MACROD2: variants seen among roughly 807,000 people sequenced by gnomAD.
The protein encoded by MACROD2 is ADP-ribose glycohydrolase MACROD2.
A neutral mutation model predicts 70.4 loss-of-function variants in MACROD2; 36 were observed. That is an observed-to-expected ratio of 0.51 (90% CI 0.39 to 0.68). The LOEUF (loss-of-function observed/expected upper bound fraction) is 0.68. MACROD2 is among the 30% of genes least tolerant of loss of function. The probability of loss-of-function intolerance (pLI) is 0.00; values close to 1 mark genes in which losing one functional copy is unlikely to be tolerated. For missense variants in MACROD2, 496 were observed against 538.4 expected (o/e 0.92, Z 0.78); for synonymous variants, 172 against 178.8 (o/e 0.96, Z 0.30).
At chr20:14,801,265 C>T (rs969698596) in intron 5 of MACROD2, among the ~76,000 whole-genome samples, 1 of 152,102 alleles carries the variant, frequency 6.6e-6, no homozygotes, top group Admixed American at 6.5e-5. Context: ...GCAGTGACAG[C>T]GTGCTTCTCT....
chr20:14,667,878 G>T (rs769239657), intron 4 of MACROD2, among the ~76,000 whole-genome samples: 9 of 152,092 alleles, frequency 5.9e-5, no homozygotes, highest in Non-Finnish European at 1.3e-4. Flanking sequence ...CTCAGAGCTG[G>T]GGGGTGGTGG....
chr20:15,899,969 C>T (rs563061286), intron 10 of MACROD2, among the ~76,000 whole-genome samples: 14 of 151,912 alleles, frequency 9.2e-5, no homozygotes, highest in Non-Finnish European at 1.9e-4. Flanking sequence ...ATTTATGGAA[C>T]GTAGCTTGTA....
intron 4 of MACROD2, among the ~76,000 whole-genome samples, chr20:14,532,096 T>C (rs2423802): frequency 0.49 from 73,897 of 151,892 alleles, 18,303 homozygotes; most frequent in African/African-American, 0.55. Context: ...TACTTCATAC[T>C]TCCCAAAGGC....
intron 5 of MACROD2, among the ~76,000 whole-genome samples, chr20:14,816,607 TATACTC>T (rs1411532893): frequency 2.6e-5 from 4 of 152,122 alleles, no homozygotes; most frequent in African/African-American, 7.2e-5. Context: ...ATGTGTGTGT[TATACTC>T]ATACATATAA....
chr20:15,487,363 C>G (rs2047175558), intron 7 of MACROD2, among the ~76,000 whole-genome samples: 1 of 152,198 alleles, frequency 6.6e-6, no homozygotes. Context: ...GAATGCCTCA[C>G]TTGATATCTT....
intron 5 of MACROD2, among the ~76,000 whole-genome samples, chr20:15,089,750 G>A (rs1175547632): frequency 1.3e-5 from 2 of 152,002 alleles, no homozygotes; most frequent in Non-Finnish European, 2.9e-5. Flanking sequence ...TTACTGCACA[G>A]TTTGCTGGTT....
At chr20:15,658,965 C>T (rs1043172784) in intron 8 of MACROD2, among the ~76,000 whole-genome samples, 1 of 152,172 alleles carries the variant, frequency 6.6e-6, no homozygotes, top group Non-Finnish European at 1.5e-5. Context: ...TGCTTCGTTT[C>T]TTAAGACATA....
chr20:14,800,310 C>G (rs1271846220), intron 5 of MACROD2, among the ~76,000 whole-genome samples: 1 of 152,034 alleles, frequency 6.6e-6, no homozygotes, highest in Non-Finnish European at 1.5e-5. Context: ...TGGTGCCCCT[C>G]AAATTCCAAT....
intron 5 of MACROD2, among the ~76,000 whole-genome samples, chr20:14,867,869 T>C (rs925414619): frequency 3.3e-5 from 5 of 152,080 alleles, no homozygotes; most frequent in Admixed American, 3.3e-4. Context: ...GTTTCATCTT[T>C]AATGACCGAT....
At chr20:15,903,772 ATCT>A (rs2065101303) in intron 10 of MACROD2, among the ~76,000 whole-genome samples, 1 of 152,212 alleles carries the variant, frequency 6.6e-6, no homozygotes, top group Non-Finnish European at 1.5e-5. Context: ...TTTAAAAGAA[ATCT>A]TCTGGTTATT....
chr20:14,787,300 G>C (rs553407278), intron 5 of MACROD2, among the ~76,000 whole-genome samples: 1 of 150,278 alleles, frequency 6.7e-6, no homozygotes, highest in African/African-American at 2.5e-5. Context: ...ATATTGTAAC[G>C]TGTGAAAAAA....
chr20:15,350,469 A>G (rs1426623202), intron 6 of MACROD2, among the ~76,000 whole-genome samples: 2 of 152,222 alleles, frequency 1.3e-5, no homozygotes, highest in Non-Finnish European at 2.9e-5. Context: ...GGAAGGGGAA[A>G]GCCAAATTGA....
rs561387668 is a variant in MACROD2, at chr20:14,355,472, T to C, written c.272-138007T>C. Among the ~76,000 whole-genome samples the C allele has an allele frequency of 1.7e-3, 258 of 152,280 alleles. 1 individual carries two copies. Among genetic ancestry groups the C allele is most frequent in the Non-Finnish European group, 1.3e-3 (91 of 68,018 alleles). ...AAGAAAGACGTTCAGTGTAGAATTA[T>C]TTAAAAGATAAAAAAGTGGAAGCAA... On this transcript the variant is annotated intron_variant, in intron 3 of 17. Transcript: ENST00000684519.
intron 5 of MACROD2, among the ~76,000 whole-genome samples, chr20:15,078,819 T>C (rs1272676376): frequency 1.3e-5 from 2 of 152,054 alleles, no homozygotes; most frequent in African/African-American, 4.8e-5. Flanking sequence ...CTAATTTTTA[T>C]ATTTTTAGTA....
At chr20:14,184,597 T>C (rs2081330326) in intron 3 of MACROD2, among the ~76,000 whole-genome samples, 2 of 152,086 alleles carry the variant, frequency 1.3e-5, no homozygotes, top group Admixed American at 6.6e-5. Flanking sequence ...AGGAATAGCA[T>C]TGAATCTACA....
chr20:15,829,580 A>C (rs2064032858), intron 8 of MACROD2, among the ~76,000 whole-genome samples: 1 of 152,186 alleles, frequency 6.6e-6, no homozygotes, highest in African/African-American at 2.4e-5. Flanking sequence ...TGGTTCCTTC[A>C]TTCAAAGGCC....
chr20:14,616,727 A>G (rs1983503628), intron 4 of MACROD2, among the ~76,000 whole-genome samples: 2 of 152,090 alleles, frequency 1.3e-5, no homozygotes, highest in African/African-American at 4.8e-5. Flanking sequence ...CCTCTCTGTC[A>G]CAAAAATGAG....
At chr20:15,054,228 T>C (rs1177798747) in intron 5 of MACROD2, among the ~76,000 whole-genome samples, 1 of 152,228 alleles carries the variant, frequency 6.6e-6, no homozygotes, top group South Asian at 2.1e-4. Flanking sequence ...TTTGAAAGGA[T>C]TGACCCTGAT....
At chr20:14,086,504 C>T (rs998670342) in intron 3 of MACROD2, among the ~76,000 whole-genome samples, 1 of 152,156 alleles carries the variant, frequency 6.6e-6, no homozygotes, top group Non-Finnish European at 1.5e-5. Flanking sequence ...TAGACTATGA[C>T]AATAAAAGGA....
Sources: gnomAD v4.1 joint callset for allele counts (sites outside exome capture counted in the v4.1 genomes callset) on GRCh38, gnomAD v4.1.1 for gene constraint, MANE v1.5 for transcripts, NCBI Gene and HGNC (gene_info 2026-07-23, HGNC 2026-07-21) for gene names.